Variants in HTT observed in about 807,000 individuals in gnomAD.
The protein encoded by HTT is huntingtin.
HTT carries 104 observed loss-of-function variants against 362.3 expected under a neutral mutation model. That is an observed-to-expected ratio of 0.29 (90% CI 0.24 to 0.34). HTT has a LOEUF of 0.34. Among genes scored for constraint, HTT ranks in the 10% least tolerant of loss-of-function variants. HTT has a pLI of 1.00. For missense variants in HTT, 3,301 were observed against 3,928.6 expected (o/e 0.84, Z 4.27); for synonymous variants, 1,577 against 1,548.7 (o/e 1.02, Z -0.43).
chr4:3,218,042 A>C lies in HTT; in HGVS notation c.7242+90A>C. Reference sequence around the variant, plus strand: ...GGCACACGTGAGAGGGCGGGACAGAATCCCCGCAGCCCAGAGGCTGCCTGC... The same window carrying C: ...GGCACACGTGAGAGGGCGGGACAGACTCCCCGCAGCCCAGAGGCTGCCTGC... On this transcript the variant is annotated intron_variant, in intron 52 of 66. Coordinates refer to ENST00000355072, the MANE Select transcript of HTT (RefSeq NM_001388492.1). The surrounding 1 kb of genome is among the most constrained non-coding windows in gnomAD (Gnocchi z 4.4). 1 of 1,140,582 alleles carries C rather than the reference A, an allele frequency of 8.8e-7. No individual in the cohort carries two copies. Among genetic ancestry groups the C allele is most frequent in the Non-Finnish European group, 1.2e-6 (1 of 815,874 alleles). The allele number at this position is 1,140,582 out of a possible 1,614,324, so 70.7% of individuals were successfully genotyped here.
At chr4:3,118,917 A>G (rs1201183305) in intron 8 of HTT, among the ~76,000 whole-genome samples, 6 of 152,234 alleles carry the variant, frequency 3.9e-5, no homozygotes, top group Non-Finnish European at 8.8e-5. Context: ...GAGACGTTCA[A>G]TTCAGCAAAT....
At chr4:3,125,725 C>T (rs1484486447) in intron 11 of HTT, 96 bp downstream of exon 11, 8 of 860,150 alleles carry the variant, frequency 9.3e-6, no homozygotes, top group South Asian at 6.9e-5. Flanking sequence ...GTGGACAGCA[C>T]GACTGGGGGC....
intron 40 of HTT, among the ~76,000 whole-genome samples, chr4:3,190,060 T>A (rs894657365): frequency 1.3e-5 from 2 of 151,932 alleles, no homozygotes; most frequent in Non-Finnish European, 2.9e-5. Flanking sequence ...ATGGTTAAGA[T>A]GGGCCAATCA....
chr4:3,122,019 T>C (rs1221264649), intron 9 of HTT, among the ~76,000 whole-genome samples: 1 of 152,158 alleles, frequency 6.6e-6, no homozygotes, highest in East Asian at 1.9e-4. Context: ...GTAGGGAAAA[T>C]AGTTCCAGGA....
chr4:3,209,631 T>C (rs952156761), intron 46 of HTT, among the ~76,000 whole-genome samples, 196 bp from the exon 47 acceptor site: 2 of 152,050 alleles, frequency 1.3e-5, no homozygotes, highest in Admixed American at 6.5e-5. Flanking sequence ...GCTGTGAGGG[T>C]GCCCAGGCAG....
intron 47 of HTT, 80 bp downstream of exon 47, chr4:3,210,029 A>T: frequency 6.5e-7 from 1 of 1,544,858 alleles, no homozygotes; most frequent in Non-Finnish European, 8.8e-7. Flanking sequence ...TCATCATGTG[A>T]CCCACTTGTT....
rs1309404691 is a variant in HTT at position 3,127,535 on chromosome 4, C to T, written c.1674C>T (p.Ile558=). 3 of 1,614,186 alleles carry T rather than the reference C, an allele frequency of 1.9e-6. No homozygotes were observed. The highest frequency in any genetic ancestry group is 4.5e-5 in the East Asian group (2 of 44,882). The change falls in exon 12 of 67, where the codon ATC becomes ATT. Residue 558 remains isoleucine (I), a synonymous_variant. Coordinates refer to ENST00000355072, the MANE Select transcript of HTT (RefSeq NM_001388492.1). Reference sequence around the variant, plus strand: ...ATGGGACCCAGGCCTCGTCGCCCATCAGCGACAGCTCCCAGACCACCACCG... The same window carrying T: ...ATGGGACCCAGGCCTCGTCGCCCATTAGCGACAGCTCCCAGACCACCACCG... The part of the protein sequence containing the change: ...LNDGTQASSP[I]SDSSQTTTEG...
chr4:3,104,958 G>A (rs1365473487), intron 4 of HTT, among the ~76,000 whole-genome samples: 1 of 152,094 alleles, frequency 6.6e-6, no homozygotes, highest in Non-Finnish European at 1.5e-5. Context: ...ATATATTATT[G>A]TCTATGATCC....
At position 3,230,000 on chromosome 4, in the gene HTT, C is replaced by T; in HGVS notation, c.8223C>T (p.Tyr2741=). 1 of 1,614,060 alleles carries T rather than the reference C, an allele frequency of 6.2e-7. No homozygotes were observed. Among genetic ancestry groups the T allele is most frequent in the Non-Finnish European group, 8.5e-7 (1 of 1,179,922 alleles). The part of the protein sequence containing the change: ...HPSEDEILAQ[Y]LVPATCKAAA... ...CAGAAGACGAGATCCTCGCTCAGTA[C>T]CTGGTGCCTGCCACCTGCAAGGCAG... The change falls in exon 60 of 67, where the codon TAC becomes TAT. Residue 2741 remains tyrosine, a synonymous_variant. Transcript: ENST00000355072.
chr4:3,119,652 G>C (rs979741621), intron 8 of HTT, among the ~76,000 whole-genome samples: 1 of 152,172 alleles, frequency 6.6e-6, no homozygotes, highest in Non-Finnish European at 1.5e-5. Context: ...AACATTAAAT[G>C]TAAATAGTGT....
At chr4:3,138,432 A>C (rs564407005) in intron 21 of HTT, among the ~76,000 whole-genome samples, 5 of 152,052 alleles carry the variant, frequency 3.3e-5, no homozygotes, top group Admixed American at 2.6e-4. Flanking sequence ...ATTATACCAC[A>C]CTGTATGCCC....
Position 3,233,236 on chromosome 4 carries a change from T to G in HTT, c.8339T>G (p.Val2780Gly). ...AGGAGCAGCCACCTGCCCAGCAGGG[T>G]TGGAGCCCTGCACGGCGTCCTCTAT... is the stretch of plus-strand genomic sequence containing the variant. Reference protein sequence around the residue: ...TLRSSHLPSRVGALHGVLYVL... With the variant: ...TLRSSHLPSRGGALHGVLYVL... Residue 2780 changes from valine to glycine, a missense_variant, in exon 61 of 67, where the codon GTT (valine) becomes GGT (glycine). Coordinates refer to ENST00000355072, the MANE Select transcript of HTT (RefSeq NM_001388492.1). The G allele has an allele frequency of 6.2e-7, 1 of 1,608,694 alleles. No individual in the cohort carries two copies.
chr4:3,172,865 T>G, intron 30 of HTT, 43 bp from the exon 31 acceptor site: 1 of 1,303,518 alleles, frequency 7.7e-7, no homozygotes, highest in Non-Finnish European at 1.1e-6. Context: ...CTTAAAAGTG[T>G]TGTTCACGCC....
In HTT at chr4:3,214,140, G is replaced by A; in HGVS notation, c.6952+5G>A. 6.7e-7 allele frequency: 1 copy of A among 1,490,566 alleles called. No individual in the cohort carries two copies. Among genetic ancestry groups the A allele is most frequent in the Non-Finnish European group, 9.0e-7 (1 of 1,107,000 alleles). 92.3% of individuals were successfully genotyped at this position (1,490,566 alleles called of 1,614,324 possible). A position where few individuals can be genotyped will look rare whatever the true frequency, so the allele number is the denominator to read the frequency against. ...TGCACTTCATCCTGGAGGCCGGTGA[G>A]TCCCCGTCCATGAACGGTGGGTTCC... On this transcript the variant is annotated splice_donor_5th_base_variant and intron_variant, in intron 50 of 66. Coordinates refer to ENST00000355072, the MANE Select transcript of HTT (RefSeq NM_001388492.1).
chr4:3,128,531 A>G (rs996511215), intron 12 of HTT: 2 of 152,180 alleles, frequency 1.3e-5, no homozygotes, highest in African/African-American at 2.4e-5. Flanking sequence ...TAAGGAGCCT[A>G]TTATAAACAG....
rs1311999577 is a variant in HTT, at chr4:3,074,830, C to A, written c.5C>A (p.Ala2Glu). M[A>E]TLEKLMKAFE... is the part of the protein sequence containing the mutation. ...CGTGCCGGGCGGGAGACCGCCATGGCGACCCTGGAAAAGCTGATGAAGGCC... is the reference window on the plus strand; with the variant it reads ...CGTGCCGGGCGGGAGACCGCCATGGAGACCCTGGAAAAGCTGATGAAGGCC... Residue 2 changes from alanine (A) to glutamate (E), a missense_variant, in exon 1 of 67, where the codon GCG (alanine) becomes GAG (glutamate). By Grantham distance (107) the Ala-to-Glu change is moderately radical. Coordinates refer to ENST00000355072, the MANE Select transcript of HTT (RefSeq NM_001388492.1). 5.3e-6 allele frequency: 8 copies of A among 1,512,484 alleles called. No homozygotes were observed. The highest frequency in any genetic ancestry group is 2.0e-5 in the Admixed American group (1 of 49,112). 93.7% of individuals were successfully genotyped at this position (1,512,484 alleles called of 1,614,324 possible). A position where few individuals can be genotyped will look rare whatever the true frequency, so the allele number is the denominator to read the frequency against.
intron 1 of HTT, among the ~76,000 whole-genome samples, chr4:3,075,443 C>T (rs1253358744): frequency 6.6e-6 from 1 of 152,168 alleles, no homozygotes; most frequent in African/African-American, 2.4e-5. Context: ...TGCGAGAAAC[C>T]AGGGCGGGGG....
Position 3,236,256 on chromosome 4 carries a change from T to A in HTT, c.8891+2T>A, listed in dbSNP as rs1441626966. On this transcript the variant is annotated splice_donor_variant, in intron 64 of 66. Transcript: ENST00000355072. LOFTEE classifies it high-confidence loss of function. ...GCGGGTATCTGTTCTTTTTGATAGG[T>A]AAGAAGCGAAGCCCCATCCCTCAGC... The A allele has an allele frequency of 6.3e-7, 1 of 1,599,246 alleles. No homozygotes were observed. The highest frequency in any genetic ancestry group is 1.3e-5 in the African/African-American group (1 of 74,592).
chr4:3,191,060 G>A (rs1413938790), intron 40 of HTT, among the ~76,000 whole-genome samples: 2 of 152,178 alleles, frequency 1.3e-5, no homozygotes, highest in East Asian at 1.9e-4. Context: ...TAGGAGTCAC[G>A]ATCAAAGACC....
Sources: gnomAD v4.1 joint callset for allele counts (sites outside exome capture counted in the v4.1 genomes callset) on GRCh38, gnomAD v4.1.1 for gene constraint, Gnocchi (gnomAD v3.1) non-coding constraint, MANE v1.5 for transcripts, NCBI Gene and HGNC (gene_info 2026-07-23, HGNC 2026-07-21) for gene names.